The following RASSF3 variants were observed in gnomAD, a reference collection of about 807,000 sequenced individuals.
RASSF3 encodes the protein ras association domain-containing protein 3.
RASSF3 carries 19 observed loss-of-function variants against 19.9 expected under a neutral mutation model. The ratio of observed to expected loss-of-function variants is 0.96; its 90% confidence interval spans 0.67 to 1.40. The LOEUF (loss-of-function observed/expected upper bound fraction) is 1.40, where lower values mean the gene tolerates loss of function less well. RASSF3 is among the 40% of genes most tolerant of loss of function. The pLI is 0.00. For synonymous variants in RASSF3, 110 were observed against 104.2 expected (o/e 1.06, Z -0.34); for missense variants, 306 against 289.8 (o/e 1.06, Z -0.41).
At chr12:64,692,239 G>A (rs574982916) in intron 4 of RASSF3, among the ~76,000 whole-genome samples, 1 of 152,152 alleles carries the variant, frequency 6.6e-6, no homozygotes, top group African/African-American at 2.4e-5. Flanking sequence ...CCAGTCTTCT[G>A]TCTGGAACAG....
chr12:64,511,190 G>C (rs1463476299), intron 1 of RASSF3, among the ~76,000 whole-genome samples: 1 of 152,176 alleles, frequency 6.6e-6, no homozygotes, highest in Non-Finnish European at 1.5e-5. Flanking sequence ...GCAGAAACAG[G>C]ACTGGCATTG....
chr12:64,627,656 G>A (rs561972635), intron 1 of RASSF3, among the ~76,000 whole-genome samples: 1 of 152,138 alleles, frequency 6.6e-6, no homozygotes, highest in Admixed American at 6.5e-5. Flanking sequence ...TTGGGCAAAG[G>A]CACTAAAATG....
At chr12:64,568,998 C>G (rs1418028258) in intron 2 of RASSF3, among the ~76,000 whole-genome samples, 4 of 152,228 alleles carry the variant, frequency 2.6e-5, no homozygotes, top group African/African-American at 9.6e-5. Flanking sequence ...GCGTGAGCCA[C>G]TGTGCCCAGC....
rs957560931 is a variant in RASSF3, at chr12:64,648,930, C to T, written c.112-35857C>T. Among the ~76,000 whole-genome samples the T allele has an allele frequency of 4.0e-5, 6 of 150,886 alleles. 1 individual carries two copies. The highest frequency in any genetic ancestry group is 6.9e-3 in the Middle Eastern group (2 of 290). ...AGGTGATCCTCACCCCTCAGCCTACCGAGTAGCTAGGACTATAGGTGTGTG... is the reference window on the plus strand; with the variant it reads ...AGGTGATCCTCACCCCTCAGCCTACTGAGTAGCTAGGACTATAGGTGTGTG... On this transcript the variant is annotated intron_variant, in intron 1 of 4. Transcript: ENST00000542104.
intron 1 of RASSF3, among the ~76,000 whole-genome samples, chr12:64,670,905 A>G (rs1394810876): frequency 6.6e-6 from 1 of 152,168 alleles, no homozygotes; most frequent in Non-Finnish European, 1.5e-5. Flanking sequence ...AACCTCACCT[A>G]GCCCCTCCAC....
At chr12:64,683,463 AGT>A (rs1365093001) in intron 1 of RASSF3, among the ~76,000 whole-genome samples, 1 of 152,058 alleles carries the variant, frequency 6.6e-6, no homozygotes, top group Non-Finnish European at 1.5e-5. Flanking sequence ...CTCCCTCTAG[AGT>A]GTGGGGAGGT....
At chr12:64,516,998 C>CAAAAAAA (rs371430838) in intron 1 of RASSF3, among the ~76,000 whole-genome samples, 31 of 51,794 alleles carry the variant, frequency 6.0e-4, no homozygotes, top group African/African-American at 1.1e-3. Context: ...AAATCTGTCT[C>CAAAAAAA]AAAAAAAAAA....
intron 1 of RASSF3, among the ~76,000 whole-genome samples, chr12:64,645,763 T>C (rs1174706816): frequency 2.0e-5 from 3 of 152,342 alleles, no homozygotes; most frequent in East Asian, 1.9e-4. Context: ...GTATCACTTA[T>C]ATACAATAAA....
intron 1 of RASSF3, among the ~76,000 whole-genome samples, chr12:64,520,551 CACACATATATATATAT>C (rs1240414951): frequency 9.4e-4 from 113 of 120,144 alleles, no homozygotes; most frequent in African/African-American, 3.3e-3. Context: ...TACACACATA[CACACATATATATATAT>C]ATATATATAT....
intron 1 of RASSF3, among the ~76,000 whole-genome samples, chr12:64,646,496 T>C (rs1020749514): frequency 6.6e-6 from 1 of 152,228 alleles, no homozygotes; most frequent in Non-Finnish European, 1.5e-5. Flanking sequence ...GAATAACCAA[T>C]ACATAGCCTA....
rs1868337370 is a variant in RASSF3, at chr12:64,512,952, G to C, written c.169+5623G>C. Among the ~76,000 whole-genome samples, 4 of 152,084 alleles carry C rather than the reference G, an allele frequency of 2.6e-5. No homozygotes were observed. The South Asian group carries it at 8.3e-4, about 32-fold the overall frequency. ...CAAAACTAAAGACATTGCTTCTAAG[G>C]GTTCCTGCCCTCATCCATAAAGTGA... is the stretch of plus-strand genomic sequence containing the variant. On this transcript the variant is annotated intron_variant, in intron 1 of 5. Transcript: ENST00000637125.
chr12:64,602,537 C>T (rs1290008820), intron 2 of RASSF3, among the ~76,000 whole-genome samples: 5 of 147,760 alleles, frequency 3.4e-5, no homozygotes, highest in Admixed American at 6.8e-5. Context: ...GCTAAGATCA[C>T]GCCACTACAC....
chr12:64,577,615 T>C (rs1161529866), intron 2 of RASSF3, among the ~76,000 whole-genome samples: 1 of 151,962 alleles, frequency 6.6e-6, no homozygotes, highest in Non-Finnish European at 1.5e-5. Flanking sequence ...TCCTCTAGTC[T>C]CAACTACTGA....
At chr12:64,550,362 G>A (rs966392349) in intron 2 of RASSF3, among the ~76,000 whole-genome samples, 1 of 151,976 alleles carries the variant, frequency 6.6e-6, no homozygotes, top group African/African-American at 2.4e-5. Flanking sequence ...GAAGAGAAGA[G>A]AAAGAAAAGA....
At chr12:64,564,607 T>C (rs772545445) in intron 2 of RASSF3, among the ~76,000 whole-genome samples, 20 of 151,972 alleles carry the variant, frequency 1.3e-4, no homozygotes, top group Non-Finnish European at 2.6e-4. Context: ...GTCTCAAACT[T>C]CCGACCTCAG....
At chr12:64,582,285 G>A (rs1234671461) in intron 2 of RASSF3, among the ~76,000 whole-genome samples, 1 of 151,920 alleles carries the variant, frequency 6.6e-6, no homozygotes, top group African/African-American at 2.4e-5. Flanking sequence ...CCACCACCCT[G>A]CCCAGCTCTC....
At chr12:64,543,330 C>T (rs1592395417), downstream of RASSF3, among the ~76,000 whole-genome samples, 1 of 151,236 alleles carries the variant, frequency 6.6e-6, no homozygotes, top group East Asian at 2.0e-4. Flanking sequence ...CCCACCAGCG[C>T]TGCGCTCGAT....
chr12:64,549,125 G>A (rs181635727), intron 2 of RASSF3, among the ~76,000 whole-genome samples: 92 of 152,318 alleles, frequency 6.0e-4, no homozygotes, highest in Non-Finnish European at 1.1e-3. Flanking sequence ...TGTTAGAAGA[G>A]ATACTGGAAA....
intron 1 of RASSF3, among the ~76,000 whole-genome samples, chr12:64,657,927 A>G (rs2136195755): frequency 6.6e-6 from 1 of 152,270 alleles, no homozygotes; most frequent in African/African-American, 2.4e-5. Flanking sequence ...TTCAAAAAAA[A>G]TTAGCCAGAC....
Sources: gnomAD v4.1 joint callset for allele counts (sites outside exome capture counted in the v4.1 genomes callset) on GRCh38, gnomAD v4.1.1 for gene constraint, MANE v1.5 for transcripts, NCBI Gene and HGNC (gene_info 2026-07-23, HGNC 2026-07-21) for gene names.